The following CDH12 variants were observed in gnomAD, a reference collection of about 807,000 sequenced individuals.
CDH12 encodes cadherin 12.
In CDH12, 41 loss-of-function variants were observed where a neutral mutation model predicts 74.1. The ratio of observed to expected loss-of-function variants is 0.55; its 90% CI spans 0.43 to 0.72. CDH12 has a LOEUF of 0.72. CDH12 is among the 30% of genes least tolerant of loss of function. The probability of loss-of-function intolerance (pLI) is 0.00; values close to 1 mark genes in which losing one functional copy is unlikely to be tolerated. For missense variants in CDH12, 945 were observed against 977.2 expected (o/e 0.97, Z 0.44); for synonymous variants, 399 against 355.0 (o/e 1.12, Z -1.39).
At chr5:22,822,239 G>A (rs1749742916) in intron 1 of CDH12, among the ~76,000 whole-genome samples, 1 of 152,094 alleles carries the variant, frequency 6.6e-6, no homozygotes, top group South Asian at 2.1e-4. Flanking sequence ...ATTCAAGATG[G>A]ATTAAAGACT....
intron 5 of CDH12, among the ~76,000 whole-genome samples, chr5:21,983,619 A>T (rs1473106013): frequency 6.6e-6 from 1 of 152,044 alleles, no homozygotes; most frequent in Non-Finnish European, 1.5e-5. Flanking sequence ...GCACTCAGAA[A>T]TTTTTATCAA....
chr5:22,514,477 C>T (rs1269251097), intron 1 of CDH12, among the ~76,000 whole-genome samples: 3 of 150,942 alleles, frequency 2.0e-5, no homozygotes, highest in Admixed American at 2.0e-4. Context: ...TTGGAGAAAA[C>T]CAGAAATAAC....
intron 1 of CDH12, among the ~76,000 whole-genome samples, chr5:22,788,680 T>A (rs891694724): frequency 3.4e-5 from 5 of 148,472 alleles, no homozygotes; most frequent in Non-Finnish European, 5.9e-5. Flanking sequence ...AAATATGATA[T>A]AACATTTAAT....
rs1391868438 is a variant in CDH12 at position 22,405,309 on chromosome 5, T to C, written c.-385A>G. 1.0e-6 allele frequency: 1 copy of C among 982,474 alleles called. No homozygotes were observed. The highest frequency in any genetic ancestry group is 6.2e-5 in the Admixed American group (1 of 16,258). 60.9% of individuals were successfully genotyped at this position (982,474 alleles called of 1,614,324 possible). A position where few individuals can be genotyped will look rare whatever the true frequency, so the allele number is the denominator to read the frequency against. On this transcript the variant is annotated 5_prime_UTR_variant, in exon 3 of 15. Coordinates refer to ENST00000382254, the MANE Select transcript of CDH12 (RefSeq NM_004061.5). ...CCAGCTTATGTATCTCAAATTGTTT[T>C]GACCTCCACAGTAACTTGATTCTAT... is the stretch of plus-strand genomic sequence containing the variant.
chr5:21,940,088 A>G (rs1482051469), intron 6 of CDH12, among the ~76,000 whole-genome samples: 1 of 152,066 alleles, frequency 6.6e-6, no homozygotes, highest in Non-Finnish European at 1.5e-5. Flanking sequence ...ATAAACAGGC[A>G]TAGTGGCTCA....
At chr5:21,992,187 T>C (rs1490877382) in intron 5 of CDH12, among the ~76,000 whole-genome samples, 2 of 151,846 alleles carry the variant, frequency 1.3e-5, no homozygotes, top group African/African-American at 4.8e-5. Flanking sequence ...AAAGAGATAA[T>C]AGTTCCATTT....
At chr5:22,803,779 T>A (rs1581016188) in intron 1 of CDH12, among the ~76,000 whole-genome samples, 1 of 152,342 alleles carries the variant, frequency 6.6e-6, no homozygotes, top group East Asian at 1.9e-4. Context: ...AGCCTCGTTA[T>A]GTAAGTGATG....
chr5:22,830,255 G>A (rs987268385), intron 1 of CDH12, among the ~76,000 whole-genome samples: 1 of 152,010 alleles, frequency 6.6e-6, no homozygotes, highest in African/African-American at 2.4e-5. Flanking sequence ...TTTAAGAAAA[G>A]TTTTGTTTAA....
At chr5:22,096,266 C>T (rs948507700) in intron 4 of CDH12, among the ~76,000 whole-genome samples, 4 of 152,126 alleles carry the variant, frequency 2.6e-5, no homozygotes, top group African/African-American at 7.2e-5. Context: ...TCGATTTTTC[C>T]GTCCTACAAG....
intron 4 of CDH12, among the ~76,000 whole-genome samples, chr5:22,182,076 T>C (rs1300709147): frequency 6.6e-6 from 1 of 152,066 alleles, no homozygotes; most frequent in Non-Finnish European, 1.5e-5. Flanking sequence ...TTAGTTTTCT[T>C]TGAATTTAGA....
chr5:22,437,148 T>G (rs946870599), intron 2 of CDH12, among the ~76,000 whole-genome samples: 1 of 152,032 alleles, frequency 6.6e-6, no homozygotes, highest in Non-Finnish European at 1.5e-5. Context: ...CGCATATTTT[T>G]TCTTCAAGAG....
At chr5:22,607,163 A>C (rs950175618) in intron 1 of CDH12, among the ~76,000 whole-genome samples, 3 of 152,212 alleles carry the variant, frequency 2.0e-5, no homozygotes, top group Admixed American at 1.3e-4. Context: ...ACCGTGAGGT[A>C]GAAAAGAAAA....
At chr5:22,251,996 T>C (rs536342925) in intron 3 of CDH12, among the ~76,000 whole-genome samples, 4 of 152,258 alleles carry the variant, frequency 2.6e-5, no homozygotes, top group Admixed American at 2.6e-4. Flanking sequence ...TTCTTTAACA[T>C]TATAGAGGAA....
chr5:22,479,775 C>T (rs1041512021), intron 2 of CDH12, among the ~76,000 whole-genome samples: 2 of 152,166 alleles, frequency 1.3e-5, no homozygotes, highest in Non-Finnish European at 2.9e-5. Flanking sequence ...TTGAAATGAG[C>T]GCACATTTGT....
intron 4 of CDH12, among the ~76,000 whole-genome samples, chr5:22,101,655 A>G (rs771933460): frequency 5.3e-5 from 8 of 152,226 alleles, no homozygotes; most frequent in Admixed American, 3.3e-4. Context: ...ATTAAGGTCT[A>G]TGAGAAAACA....
At chr5:21,930,221 A>T (rs187954975) in intron 6 of CDH12, among the ~76,000 whole-genome samples, 220 of 152,290 alleles carry the variant, frequency 1.4e-3, no homozygotes, top group African/African-American at 4.9e-3. Context: ...AGGGTCTTGA[A>T]AAAGATTGAT....
chr5:22,233,095 T>C (rs898597695), intron 3 of CDH12, among the ~76,000 whole-genome samples: 65 of 151,540 alleles, frequency 4.3e-4, no homozygotes, highest in African/African-American at 1.4e-3. Flanking sequence ...AGATTACTTT[T>C]AATGATTTTA....
intron 6 of CDH12, among the ~76,000 whole-genome samples, chr5:21,891,608 C>A (rs1752904795): frequency 6.6e-6 from 1 of 151,734 alleles, no homozygotes; most frequent in Admixed American, 6.6e-5. Flanking sequence ...CACACTCTTT[C>A]TGGCAATGTT....
intron 1 of CDH12, among the ~76,000 whole-genome samples, chr5:22,601,426 A>G (rs1736849989): frequency 6.6e-6 from 1 of 152,092 alleles, no homozygotes; most frequent in Non-Finnish European, 1.5e-5. Flanking sequence ...ATTTTAGTCT[A>G]AATGAGTGTG....
Sources: allele counts gnomAD v4.1 joint callset (sites outside exome capture counted in the v4.1 genomes callset), GRCh38; gene constraint gnomAD v4.1.1; transcripts MANE v1.5; gene names NCBI Gene and HGNC (gene_info 2026-07-23, HGNC 2026-07-21).